Variants in RUNX1 observed in about 807,000 individuals in gnomAD.
RUNX1 encodes the protein RUNX family transcription factor 1, also known as runt-related transcription factor 1.
RUNX1 carries 19 observed loss-of-function variants against 42.8 expected under a neutral mutation model. That is an observed-to-expected ratio of 0.44 (90% CI 0.31 to 0.65). The LOEUF is 0.65. RUNX1 is among the 30% of genes least tolerant of loss of function. The pLI is 0.07. For synonymous variants in RUNX1, 271 were observed against 289.4 expected, an observed-to-expected ratio of 0.94 and a Z score of 0.64; for missense variants, 528 against 672.0, an observed-to-expected ratio of 0.79 and a Z score of 2.37.
At chr21:34,887,242 TGGGGGGGGGC>T in intron 3 of RUNX1, 146 bp from the exon 4 acceptor site, 5 of 295,630 alleles carry the variant, frequency 1.7e-5, no homozygotes, top group Non-Finnish European at 2.0e-5. Flanking sequence ...CTGCGGGGGG[TGGGGGGGGGC>T]GGGGGTGGTT....
At chr21:34,860,547 G>GTC (rs2057559443) in intron 5 of RUNX1, among the ~76,000 whole-genome samples, 1 of 151,984 alleles carries the variant, frequency 6.6e-6, no homozygotes, top group African/African-American at 2.4e-5. Context: ...GTGTGTGTGT[G>GTC]TGTGTATGTT....
chr21:34,883,684 A>G (rs1163542742), intron 4 of RUNX1, among the ~76,000 whole-genome samples: 2 of 152,236 alleles, frequency 1.3e-5, no homozygotes, highest in Non-Finnish European at 2.9e-5. Flanking sequence ...TTTTTAAAGT[A>G]TCAGGAAGTT....
intron 5 of RUNX1, among the ~76,000 whole-genome samples, chr21:34,879,445 T>C (rs1468613653): frequency 6.6e-6 from 1 of 152,192 alleles, no homozygotes; most frequent in Non-Finnish European, 1.5e-5. Context: ...AACTCACATT[T>C]ACCCCTTTCT....
intron 2 of RUNX1, among the ~76,000 whole-genome samples, chr21:34,927,219 T>A (rs1309055655): frequency 6.6e-6 from 1 of 152,154 alleles, no homozygotes; most frequent in Admixed American, 6.5e-5. Context: ...GGAAAAGAAG[T>A]CAGTCTTGGG....
In RUNX1 at chr21:34,934,141, CTAAG is replaced by C. The variant is rs200600173; in HGVS notation, c.59-41182_59-41179del. On this transcript the variant is annotated intron_variant, in intron 2 of 8. Coordinates refer to ENST00000675419, the MANE Select transcript of RUNX1 (RefSeq NM_001754.5). ...ATGTCCTGAGAGAGCAAAGGCTTAG[CTAAG>C]TTTCTCATGAGCTGTGACTAGCTCT... 6.3e-3 allele frequency among the ~76,000 whole-genome samples: 957 copies of C among 152,336 alleles called. 8 individuals are homozygous for C. Among genetic ancestry groups the C allele is most frequent in the South Asian group, 0.031 (148 of 4,828 alleles).
chr21:34,945,283 A>T (rs1479724197), intron 2 of RUNX1, among the ~76,000 whole-genome samples: 1 of 152,234 alleles, frequency 6.6e-6, no homozygotes, highest in East Asian at 1.9e-4. Context: ...AAATAAAACA[A>T]TTCTACAATC....
At chr21:34,973,541 GATATA>G (rs2058777853) in intron 2 of RUNX1, among the ~76,000 whole-genome samples, 1 of 152,090 alleles carries the variant, frequency 6.6e-6, no homozygotes, top group Non-Finnish European at 1.5e-5. Context: ...TGCATGTATT[GATATA>G]ATAAATGTTT....
chr21:34,905,908 T>A (rs2058214225), intron 2 of RUNX1, among the ~76,000 whole-genome samples: 3 of 152,218 alleles, frequency 2.0e-5, no homozygotes. Flanking sequence ...CTCTCTTTAC[T>A]GATCTTTAAA....
At chr21:35,011,909 T>C (rs985699476) in intron 2 of RUNX1, among the ~76,000 whole-genome samples, 5 of 152,160 alleles carry the variant, frequency 3.3e-5, no homozygotes, top group African/African-American at 1.2e-4. Context: ...GCTTAACGGA[T>C]TCTGGAAAGC....
chr21:34,950,684 T>A (rs1211533397), intron 2 of RUNX1, among the ~76,000 whole-genome samples: 3 of 152,226 alleles, frequency 2.0e-5, no homozygotes, highest in Non-Finnish European at 4.4e-5. Flanking sequence ...TGCAGTGATC[T>A]GAGATCTTGC....
intron 4 of RUNX1, 136 bp downstream of exon 4, chr21:34,886,707 G>T: frequency 7.2e-7 from 1 of 1,388,966 alleles, no homozygotes; most frequent in South Asian, 1.3e-5. Context: ...CACATCCCAA[G>T]CTAGGAAGAC....
At chr21:34,889,747 G>T in intron 3 of RUNX1, 2 of 1,165,506 alleles carry the variant, frequency 1.7e-6, no homozygotes, top group Non-Finnish European at 2.1e-6. Context: ...TTTTCGCGGA[G>T]CTCGGAGGGC....
intron 6 of RUNX1, 84 bp downstream of exon 6, chr21:34,859,390 A>G: frequency 1.8e-6 from 2 of 1,108,436 alleles, no homozygotes; most frequent in Non-Finnish European, 2.8e-6. Flanking sequence ...GAACCCAAGG[A>G]ATCTGAGACA....
At chr21:35,015,107 A>C (rs2059150601) in intron 2 of RUNX1, among the ~76,000 whole-genome samples, 1 of 152,194 alleles carries the variant, frequency 6.6e-6, no homozygotes, top group Non-Finnish European at 1.5e-5. Context: ...GGAGATGCTG[A>C]AGTCAAACTG....
intron 1 of RUNX1, 81 bp downstream of exon 1, chr21:35,049,087 A>T (rs2059421110): frequency 1.7e-6 from 1 of 600,644 alleles, no homozygotes; most frequent in African/African-American, 1.9e-5. Context: ...GCACCTTTGT[A>T]AAAACAAATA....
chr21:34,805,910 T>C (rs924689744), intron 7 of RUNX1, among the ~76,000 whole-genome samples: 3 of 152,214 alleles, frequency 2.0e-5, no homozygotes, highest in African/African-American at 7.2e-5. Context: ...GTGGTAGTTA[T>C]TTGATGCTAG....
intron 8 of RUNX1, among the ~76,000 whole-genome samples, chr21:34,793,334 A>G (rs1440547431): frequency 6.6e-6 from 1 of 152,158 alleles, no homozygotes; most frequent in East Asian, 1.9e-4. Context: ...GAAATGATGT[A>G]GTATAGCATA....
chr21:34,929,947 T>G (rs1488950843), intron 2 of RUNX1, among the ~76,000 whole-genome samples: 3 of 151,972 alleles, frequency 2.0e-5, no homozygotes, highest in Non-Finnish European at 4.4e-5. Flanking sequence ...CTTTTAAGTA[T>G]TAGTCCCTAT....
rs71319521 is a variant in RUNX1, at chr21:34,978,937, T to TATACAC, written c.58+69904_58+69905insGTGTAT. ...TTCTCAGACAAAACACACACACAGA[T>TATACAC]ACACACACACACACACACACACACA... is the stretch of plus-strand genomic sequence containing the variant. On this transcript the variant is annotated intron_variant, in intron 2 of 8. Transcript: ENST00000675419. Among the ~76,000 whole-genome samples, 390 of 134,142 alleles carry TATACAC rather than the reference T, an allele frequency of 2.9e-3. 6 individuals are homozygous for TATACAC. The East Asian group carries it at 0.029, about 10-fold the overall frequency. 88.0% of individuals were successfully genotyped at this position (134,142 alleles called of 152,430 possible). A position where few individuals can be genotyped will look rare whatever the true frequency, so the allele number is the denominator to read the frequency against.
Sources: allele counts gnomAD v4.1 joint callset (sites outside exome capture counted in the v4.1 genomes callset), GRCh38; gene constraint gnomAD v4.1.1; transcripts MANE v1.5; gene names NCBI Gene and HGNC (gene_info 2026-07-23, HGNC 2026-07-21).